The following CNTN4 variants were observed in gnomAD, a reference collection of about 807,000 sequenced individuals.
The protein encoded by CNTN4 is contactin 4.
In CNTN4, 77 loss-of-function variants were observed where a neutral mutation model predicts 122.5. The ratio of observed to expected loss-of-function variants is 0.63; its 90% confidence interval spans 0.52 to 0.76. The LOEUF is 0.76. Ranked by LOEUF, CNTN4 falls within the 30% of genes least tolerant of loss-of-function variation. The pLI, the probability that CNTN4 is intolerant of heterozygous loss-of-function variation, is 0.00. For missense variants in CNTN4, 1,256 were observed against 1,259.1 expected (o/e 1.00, Z 0.04); for synonymous variants, 512 against 447.0 (o/e 1.15, Z -1.83).
intron 13 of CNTN4, among the ~76,000 whole-genome samples, chr3:2,947,853 C>G (rs987423509): frequency 6.6e-6 from 1 of 152,190 alleles, no homozygotes; most frequent in Non-Finnish European, 1.5e-5. Context: ...GTAGATAAAA[C>G]GGAGAATTAA....
intron 5 of CNTN4, among the ~76,000 whole-genome samples, chr3:2,737,597 GA>G (rs1559448897): frequency 1.3e-5 from 2 of 152,202 alleles, no homozygotes; most frequent in African/African-American, 4.8e-5. Context: ...AGGAAAGTAA[GA>G]AATGTCAGAA....
intron 4 of CNTN4, among the ~76,000 whole-genome samples, chr3:2,596,566 A>T (rs2080780327): frequency 6.6e-6 from 1 of 151,850 alleles, no homozygotes; most frequent in African/African-American, 2.4e-5. Flanking sequence ...AATAGATAAT[A>T]TATATTTATG....
At chr3:2,520,733 A>T (rs200470151) in intron 3 of CNTN4, among the ~76,000 whole-genome samples, 1 of 97,020 alleles carries the variant, frequency 1.0e-5, no homozygotes. Flanking sequence ...TAGACATTTT[A>T]GACATTCTAT....
intron 2 of CNTN4, among the ~76,000 whole-genome samples, chr3:2,176,533 A>G (rs1365345658): frequency 6.6e-6 from 1 of 152,148 alleles, no homozygotes; most frequent in Non-Finnish European, 1.5e-5. Context: ...TAAATTTAAA[A>G]TAAGAATTTA....
intron 2 of CNTN4, among the ~76,000 whole-genome samples, chr3:2,200,402 C>T (rs544351521): frequency 5.3e-5 from 8 of 152,246 alleles, no homozygotes; most frequent in Middle Eastern, 3.4e-3. Flanking sequence ...AGCAACTTTG[C>T]TCCTCTCTGT....
At chr3:2,493,741 C>T (rs1488537267) in intron 3 of CNTN4, among the ~76,000 whole-genome samples, 1 of 152,062 alleles carries the variant, frequency 6.6e-6, no homozygotes, top group Non-Finnish European at 1.5e-5. Flanking sequence ...CTAATACGGT[C>T]ATGTGGCTAA....
At chr3:2,554,219 A>G (rs1250402209) in intron 3 of CNTN4, among the ~76,000 whole-genome samples, 2 of 152,162 alleles carry the variant, frequency 1.3e-5, no homozygotes, top group Non-Finnish European at 2.9e-5. Context: ...TTAATAAGTT[A>G]TCTATCCAAA....
chr3:2,240,512 C>G (rs2039888814), intron 2 of CNTN4, among the ~76,000 whole-genome samples: 1 of 152,116 alleles, frequency 6.6e-6, no homozygotes, highest in Admixed American at 6.6e-5. Context: ...CTAGATTTCT[C>G]AAACTTTGTT....
intron 2 of CNTN4, among the ~76,000 whole-genome samples, chr3:2,315,512 T>A (rs560362380): frequency 1.3e-5 from 2 of 152,154 alleles, no homozygotes; most frequent in South Asian, 4.1e-4. Context: ...CTTACGAGAT[T>A]TCTATTTTTC....
chr3:3,008,929 C>G lies in CNTN4; in HGVS notation c.1487-17173C>G, dbSNP rs762877486. 3.6e-4 allele frequency: 350 copies of G among 985,170 alleles called. 3 individuals are homozygous for G. The Middle Eastern group carries it at 0.013, about 37-fold the overall frequency. 61.0% of individuals were successfully genotyped at this position (985,170 alleles called of 1,614,324 possible). The stretch of plus-strand genomic sequence containing the variant: ...CCAAGATCTAATAAGCTGTGAGATT[C>G]CAAAAGAAGGGCGCCAAACCTTGGG... On this transcript the variant is annotated intron_variant, in intron 14 of 24. Coordinates refer to ENST00000418658, the MANE Select transcript of CNTN4 (RefSeq NM_175607.3).
chr3:2,950,648 G>C (rs1406867597), intron 13 of CNTN4, among the ~76,000 whole-genome samples: 1 of 152,176 alleles, frequency 6.6e-6, no homozygotes, highest in African/African-American at 2.4e-5. Context: ...GGCAACGTGT[G>C]GCCACTCACC....
At position 2,955,169 on chromosome 3, in the gene CNTN4, G is replaced by C. The variant is rs2094786279; in HGVS notation, c.1358+29390G>C. 2.0e-5 allele frequency among the ~76,000 whole-genome samples: 3 copies of C among 152,088 alleles called. No individual in the cohort carries two copies. In the South Asian group the frequency reaches 6.2e-4, roughly 32 times the overall value. On this transcript the variant is annotated intron_variant, in intron 13 of 24. Transcript: ENST00000418658. The stretch of plus-strand genomic sequence containing the variant: ...AACGGTAGACAGAAGAGACAGCCAG[G>C]TGCTCACCAAAATCTTACAGTTGAA...
chr3:2,647,821 T>A (rs967051288), intron 4 of CNTN4, among the ~76,000 whole-genome samples: 2 of 152,224 alleles, frequency 1.3e-5, no homozygotes, highest in Non-Finnish European at 2.9e-5. Context: ...GCAATCTTAA[T>A]TCCATTTTCT....
intron 2 of CNTN4, among the ~76,000 whole-genome samples, chr3:2,202,035 G>A (rs60917649): frequency 0.044 from 6,768 of 152,196 alleles, 265 homozygotes; most frequent in African/African-American, 0.11. Flanking sequence ...CTAGAAGACT[G>A]AAGCTCTTAA....
At chr3:2,749,972 T>A (rs2090011400) in intron 6 of CNTN4, among the ~76,000 whole-genome samples, 1 of 152,206 alleles carries the variant, frequency 6.6e-6, no homozygotes, top group South Asian at 2.1e-4. Flanking sequence ...AAAAAAATGT[T>A]GCTTTTTGGC....
At chr3:2,656,062 C>T (rs936407495) in intron 4 of CNTN4, among the ~76,000 whole-genome samples, 5 of 152,110 alleles carry the variant, frequency 3.3e-5, no homozygotes, top group Admixed American at 1.3e-4. Context: ...TTATTGTCCT[C>T]GAGGCATTAG....
At chr3:2,901,678 C>G (rs73805428) in intron 11 of CNTN4, among the ~76,000 whole-genome samples, 2,018 of 152,278 alleles carry the variant, frequency 0.013, 38 homozygotes, top group African/African-American at 0.046. Flanking sequence ...GAGCCAATCA[C>G]TGAGAGAGTG....
intron 4 of CNTN4, among the ~76,000 whole-genome samples, chr3:2,690,986 A>C (rs1419432062): frequency 6.6e-6 from 1 of 152,178 alleles, no homozygotes; most frequent in Non-Finnish European, 1.5e-5. Context: ...AGCCCTAGAG[A>C]ATACAGTATA....
At chr3:2,647,012 T>C (rs11920561) in intron 4 of CNTN4, among the ~76,000 whole-genome samples, 1,900 of 152,300 alleles carry the variant, frequency 0.012, 40 homozygotes, top group African/African-American at 0.043. Flanking sequence ...GAATTTCCCT[T>C]ATATCTGGTA....
Sources: gnomAD v4.1 joint callset for allele counts (sites outside exome capture counted in the v4.1 genomes callset) on GRCh38, gnomAD v4.1.1 for gene constraint, MANE v1.5 for transcripts, NCBI Gene and HGNC (gene_info 2026-07-23, HGNC 2026-07-21) for gene names.